SLC2A9: variants seen among roughly 807,000 people sequenced by gnomAD.
SLC2A9 encodes the protein solute carrier family 2, facilitated glucose transporter member 9.
Under a neutral mutation model 50.6 loss-of-function variants are expected in SLC2A9, and 39 were observed. The observed-to-expected ratio is 0.77, with a 90% CI of 0.60 to 1.01. The LOEUF is 1.01. Ranked by LOEUF, SLC2A9 falls within the 50% of genes least tolerant of loss-of-function variation. SLC2A9 has a pLI of 0.00. For synonymous variants in SLC2A9, 324 were observed against 276.9 expected (o/e 1.17, Z -1.69); for missense variants, 686 against 677.6 (o/e 1.01, Z -0.14).
intron 11 of SLC2A9, among the ~76,000 whole-genome samples, chr4:9,830,294 A>G (rs550761033): frequency 6.6e-6 from 1 of 152,348 alleles, no homozygotes; most frequent in East Asian, 1.9e-4. Context: ...GTTCTCACTT[A>G]TAAGTGGGAG....
intron 7 of SLC2A9, among the ~76,000 whole-genome samples, chr4:9,915,315 G>A (rs1206621955): frequency 6.6e-6 from 1 of 152,226 alleles, no homozygotes. Flanking sequence ...TCAGCTCATT[G>A]CAACCTCTGC....
intron 3 of SLC2A9, among the ~76,000 whole-genome samples, chr4:9,988,911 G>C (rs955861985): frequency 1.3e-5 from 2 of 152,176 alleles, no homozygotes; most frequent in Non-Finnish European, 2.9e-5. Flanking sequence ...ACTTGGTGCA[G>C]AGCACCAGGA....
chr4:9,997,265 G>A lies in SLC2A9; in HGVS notation c.250-324C>T, dbSNP rs147608456. Among the ~76,000 whole-genome samples, 403 of 152,206 alleles carry A rather than the reference G, an allele frequency of 2.6e-3. 4 individuals are homozygous for A. The highest frequency in any genetic ancestry group is 5.2e-3 in the South Asian group (25 of 4,808). On this transcript the variant is annotated intron_variant, in intron 2 of 11. Coordinates refer to ENST00000264784, the MANE Select transcript of SLC2A9 (RefSeq NM_020041.3). Reference sequence around the variant, plus strand: ...TCATTTTGGAGATAGGGAAACTGAGGCTCAGGGAGACAAAGTGACTTGCTA... The same window carrying A: ...TCATTTTGGAGATAGGGAAACTGAGACTCAGGGAGACAAAGTGACTTGCTA...
At chr4:9,930,834 T>C (rs1304164325) in intron 6 of SLC2A9, among the ~76,000 whole-genome samples, 1 of 152,200 alleles carries the variant, frequency 6.6e-6, no homozygotes, top group South Asian at 2.1e-4. Context: ...TCCCCATCCC[T>C]GAAGGTGTGC....
chr4:9,830,744 C>G (rs1725993263), intron 11 of SLC2A9, among the ~76,000 whole-genome samples: 1 of 152,218 alleles, frequency 6.6e-6, no homozygotes, highest in Non-Finnish European at 1.5e-5. Context: ...TATTGGCACT[C>G]CACACTGGAG....
intron 5 of SLC2A9, among the ~76,000 whole-genome samples, chr4:9,947,979 G>C (rs74986450): frequency 6.6e-6 from 1 of 152,036 alleles, no homozygotes; most frequent in African/African-American, 2.4e-5. Context: ...TCTTCTTTCA[G>C]ATAAGGTTGC....
chr4:9,905,697 C>T (rs896654352), intron 8 of SLC2A9, among the ~76,000 whole-genome samples: 6 of 152,184 alleles, frequency 3.9e-5, no homozygotes, highest in South Asian at 2.1e-4. Context: ...AATGGCTTCC[C>T]GTGAAGTCTT....
chr4:9,957,243 A>C (rs979268049), intron 5 of SLC2A9, among the ~76,000 whole-genome samples: 6 of 152,068 alleles, frequency 3.9e-5, no homozygotes, highest in Non-Finnish European at 8.8e-5. Context: ...CAGAGCCCTC[A>C]GTAATCAGCA....
intron 10 of SLC2A9, among the ~76,000 whole-genome samples, chr4:9,842,670 A>G (rs1728264541): frequency 6.6e-6 from 1 of 152,184 alleles, no homozygotes; most frequent in Non-Finnish European, 1.5e-5. Flanking sequence ...TCTGTATCCA[A>G]TGTGTCTTGC....
chr4:9,838,462 T>C (rs1204809727), intron 10 of SLC2A9, among the ~76,000 whole-genome samples: 1 of 152,200 alleles, frequency 6.6e-6, no homozygotes, highest in Non-Finnish European at 1.5e-5. Context: ...GTTATTCCCA[T>C]TAAACTACCA....
intron 2 of SLC2A9, among the ~76,000 whole-genome samples, chr4:10,011,286 T>C (rs1761722793): frequency 6.6e-6 from 1 of 152,180 alleles, no homozygotes; most frequent in South Asian, 2.1e-4. Context: ...GTATCAGCCC[T>C]GTCTGCCCAT....
chr4:9,892,766 A>G (rs906937441), intron 8 of SLC2A9, among the ~76,000 whole-genome samples: 2 of 152,066 alleles, frequency 1.3e-5, no homozygotes, highest in Non-Finnish European at 2.9e-5. Flanking sequence ...TCTGGTCCCA[A>G]CTCTTACCCG....
At chr4:9,914,968 T>C (rs959408974) in intron 7 of SLC2A9, among the ~76,000 whole-genome samples, 14 of 152,230 alleles carry the variant, frequency 9.2e-5, no homozygotes, top group African/African-American at 3.4e-4. Context: ...TCACCCAGTC[T>C]TGCTTCTCAT....
intron 3 of SLC2A9, among the ~76,000 whole-genome samples, chr4:9,817,578 G>C (rs966773681): frequency 2.6e-5 from 4 of 152,190 alleles, no homozygotes; most frequent in Admixed American, 2.6e-4. Context: ...AGTCACATTT[G>C]TATGAGTGTC....
chr4:9,872,228 C>A (rs1733557842), intron 10 of SLC2A9, among the ~76,000 whole-genome samples: 2 of 152,094 alleles, frequency 1.3e-5, no homozygotes, highest in Admixed American at 1.3e-4. Context: ...GGGAAAGTCA[C>A]AGCAAAATTC....
intron 4 of SLC2A9, among the ~76,000 whole-genome samples, chr4:9,981,541 T>C (rs575097559): frequency 2.6e-5 from 4 of 152,350 alleles, no homozygotes; most frequent in South Asian, 4.1e-4. Flanking sequence ...GTTGAGTAAC[T>C]TGCCTAAATC....
At chr4:9,847,858 G>C (rs1352401203) in intron 10 of SLC2A9, among the ~76,000 whole-genome samples, 17 of 152,210 alleles carry the variant, frequency 1.1e-4, no homozygotes, top group Non-Finnish European at 2.5e-4. Context: ...AGACATTGTT[G>C]ATCTTGGGCA....
intron 10 of SLC2A9, among the ~76,000 whole-genome samples, chr4:9,864,589 A>T (rs1048644901): frequency 6.6e-6 from 1 of 152,220 alleles, no homozygotes; most frequent in Non-Finnish European, 1.5e-5. Flanking sequence ...CATACTATAG[A>T]TGGGACCTGG....
chr4:10,002,786 G>A (rs1398192813), intron 2 of SLC2A9, among the ~76,000 whole-genome samples: 1 of 152,214 alleles, frequency 6.6e-6, no homozygotes, highest in East Asian at 1.9e-4. Context: ...CCTGGAGGCA[G>A]AGGTTGCAGG....
Sources: allele counts gnomAD v4.1 joint callset (sites outside exome capture counted in the v4.1 genomes callset), GRCh38; gene constraint gnomAD v4.1.1; transcripts MANE v1.5; gene names NCBI Gene and HGNC (gene_info 2026-07-23, HGNC 2026-07-21).